Variants in PFDN5 observed in about 807,000 individuals in gnomAD.
PFDN5 encodes prefoldin subunit 5, also known as c-myc binding protein.
Under a neutral mutation model 21.5 loss-of-function variants are expected in PFDN5, and 13 were observed. The observed-to-expected ratio is 0.60, with a 90% confidence interval of 0.39 to 0.96. The LOEUF (loss-of-function observed/expected upper bound fraction) is 0.96, where lower values mean the gene tolerates loss of function less well. PFDN5 is among the 40% of genes least tolerant of loss of function. The pLI, the probability that PFDN5 is intolerant of heterozygous loss-of-function variation, is 0.00. For missense variants in PFDN5, 188 were observed against 186.2 expected (o/e 1.01, Z -0.06); for synonymous variants, 84 against 68.9 (o/e 1.22, Z -1.08).
At chr12:53,298,421 G>A (rs540481731) in intron 5 of PFDN5, 8 of 355,118 alleles carry the variant, frequency 2.3e-5, no homozygotes, top group Non-Finnish European at 4.3e-5. Flanking sequence ...CACACAGGAA[G>A]GAATCATGAT....
chr12:53,296,126 C>A, intron 2 of PFDN5, 118 bp from the exon 3 acceptor site: 1 of 891,658 alleles, frequency 1.1e-6, no homozygotes, highest in Non-Finnish European at 1.8e-6. Context: ...CTCCTATTGC[C>A]CCTGTTTCCG....
intron 2 of PFDN5, 35 bp from the exon 3 acceptor site, chr12:53,296,209 C>G: frequency 6.2e-7 from 1 of 1,600,298 alleles, no homozygotes; most frequent in Non-Finnish European, 8.5e-7. Context: ...GAGCCGCTAA[C>G]CTTCCCCAGG....
At position 53,298,115 on chromosome 12, in the gene PFDN5, A is replaced by G. The variant is rs750419112; in HGVS notation, c.353A>G (p.Gln118Arg). Reference sequence around the variant, plus strand: ...CTAACCAAGCAGATGGAGAAAATCCAACCAGCTCTTCAGGAGAAGCACGCC... The same window carrying G: ...CTAACCAAGCAGATGGAGAAAATCCGACCAGCTCTTCAGGAGAAGCACGCC... The part of the protein sequence containing the change: ...DFLTKQMEKI[Q>R]PALQEKHAMK... Residue 118 changes from glutamine (Q) to arginine (R), a missense_variant, in exon 5 of 6, where the codon CAA becomes CGA. Gln to Arg is a conservative substitution (Grantham distance 43, BLOSUM62 1). Transcript: ENST00000334478. 2 of 1,613,608 alleles carry G rather than the reference A, an allele frequency of 1.2e-6. No individual in the cohort carries two copies. Among genetic ancestry groups the G allele is most frequent in the Admixed American group, 3.3e-5 (2 of 60,018 alleles).
Position 53,299,301 on chromosome 12 carries a change from C to G in PFDN5, c.421C>G (p.Gln141Glu), listed in dbSNP as rs775238540. 6.2e-6 allele frequency: 10 copies of G among 1,612,748 alleles called. No individual in the cohort carries two copies. In the South Asian group the frequency reaches 8.8e-5, roughly 14 times the overall value. ...GGAAATGATGAGTCAGAAGATTCAG[C>G]AGCTCACAGCCCTGGGGGCAGCTCA... is the stretch of plus-strand genomic sequence containing the variant. ...VMEMMSQKIQ[Q>E]LTALGAAQAT... Residue 141 changes from glutamine (Q) to glutamate (E), a missense_variant, in exon 6 of 6, where the codon CAG (glutamine) becomes GAG (glutamate). By Grantham distance (29) the Gln-to-Glu change is conservative (BLOSUM62 2). Transcript: ENST00000334478.
rs758004677 is a variant in PFDN5 at position 53,295,910 on chromosome 12, C to T, written c.144C>T (p.Asp48=). Residue 48 remains aspartate, a synonymous_variant, in exon 2 of 6, where the codon GAC becomes GAT. Coordinates refer to ENST00000334478, the MANE Select transcript of PFDN5 (RefSeq NM_002624.4). ...VVQTKYVEAK[D]CLNVLNKSNE... ...AGACCAAGTATGTGGAAGCCAAGGA[C>T]TGTCTGAACGTGCTGAACAAGAGCA... The T allele has an allele frequency of 1.9e-6, 3 of 1,611,934 alleles. No homozygotes were observed. Among genetic ancestry groups the T allele is most frequent in the Middle Eastern group, 1.7e-4 (1 of 6,056 alleles).
chr12:53,299,159 T>C, intron 5 of PFDN5, 110 bp from the exon 6 acceptor site: 1 of 584,474 alleles, frequency 1.7e-6, no homozygotes, highest in Non-Finnish European at 3.1e-6. Flanking sequence ...AAAAGGTTAT[T>C]AACAAACTGT....
Position 53,297,868 on chromosome 12 carries a change from C to T in PFDN5, c.226C>T (p.Leu76=), listed in dbSNP as rs1944173167. The T allele has an allele frequency of 1.2e-6, 2 of 1,612,318 alleles. No individual in the cohort carries two copies. The highest frequency in any genetic ancestry group is 3.3e-5 in the Admixed American group (2 of 60,004). The change falls in exon 4 of 6, where the codon CTG becomes TTG. Residue 76 remains leucine, a synonymous_variant. Coordinates refer to ENST00000334478, the MANE Select transcript of PFDN5 (RefSeq NM_002624.4). ...TTCTCAGATGTATGTCCCTGGGAAG[C>T]TGCATGATGTGGAACACGTGCTCAT... is the stretch of plus-strand genomic sequence containing the variant. The part of the protein sequence containing the change: ...LTSSMYVPGK[L]HDVEHVLIDV...
Position 53,296,018 on chromosome 12 carries a change from T to G in PFDN5, c.175+77T>G, listed in dbSNP as rs141518072. The G allele has an allele frequency of 6.4e-3, 5,937 of 929,156 alleles. 35 individuals are homozygous for G. Among genetic ancestry groups the G allele is most frequent in the Non-Finnish European group, 8.7e-3 (4,961 of 572,652 alleles). 57.6% of individuals were successfully genotyped at this position (929,156 alleles called of 1,614,324 possible). A position where few individuals can be genotyped will look rare whatever the true frequency, so the allele number is the denominator to read the frequency against. Reference sequence around the variant, plus strand: ...GTCCCACCTCCTAACCCAGTTTTTCTTACCTGAAACGAGAAAATCCATTAC... The same window carrying G: ...GTCCCACCTCCTAACCCAGTTTTTCGTACCTGAAACGAGAAAATCCATTAC... On this transcript the variant is annotated intron_variant, in intron 2 of 5. Coordinates refer to ENST00000334478, the MANE Select transcript of PFDN5 (RefSeq NM_002624.4).
In PFDN5 at chr12:53,295,574, C is replaced by G. The variant is rs765461440; in HGVS notation, c.7C>G (p.Gln3Glu). 1.9e-6 allele frequency: 3 copies of G among 1,613,292 alleles called. No individual in the cohort carries two copies. Among genetic ancestry groups the G allele is most frequent in the Non-Finnish European group, 2.5e-6 (3 of 1,179,386 alleles). ...TTAAGTCGGCCTTCCCAACATGGCGCAGTCTATTAACATCACGGAGCTGAA... is the reference window on the plus strand; with the variant it reads ...TTAAGTCGGCCTTCCCAACATGGCGGAGTCTATTAACATCACGGAGCTGAA... Reference protein sequence around the residue: MAQSINITELNLP... With the variant: MAESINITELNLP... Residue 3 changes from glutamine to glutamate, a missense_variant, in exon 1 of 6, where the codon CAG (glutamine) becomes GAG (glutamate). Transcript: ENST00000334478.
In PFDN5 at chr12:53,299,300, G is replaced by T. The variant is rs1397157491; in HGVS notation, c.420G>T (p.Gln140His). 1.2e-6 allele frequency: 2 copies of T among 1,612,800 alleles called. No homozygotes were observed. The highest frequency in any genetic ancestry group is 1.7e-6 in the Non-Finnish European group (2 of 1,179,374). The part of the protein sequence containing the change: ...AVMEMMSQKI[Q>H]QLTALGAAQA... ...TGGAAATGATGAGTCAGAAGATTCA[G>T]CAGCTCACAGCCCTGGGGGCAGCTC... is the stretch of plus-strand genomic sequence containing the variant. Residue 140 changes from glutamine to histidine, a missense_variant, in exon 6 of 6, where the codon CAG (glutamine) becomes CAT (histidine). Coordinates refer to ENST00000334478, the MANE Select transcript of PFDN5 (RefSeq NM_002624.4).
At chr12:53,299,244 C>T (rs758247732) in intron 5 of PFDN5, 25 bp from the exon 6 acceptor site, 1 of 1,570,504 alleles carries the variant, frequency 6.4e-7, no homozygotes, top group Non-Finnish European at 8.8e-7. Flanking sequence ...TGCTTCTAAC[C>T]TTTGACTCTT....
At position 53,295,550 on chromosome 12, in the gene PFDN5, T is replaced by G; in HGVS notation, c.-18T>G. 6.2e-7 allele frequency: 1 copy of G among 1,607,950 alleles called. No homozygotes were observed. Among genetic ancestry groups the G allele is most frequent in the Non-Finnish European group, 8.5e-7 (1 of 1,174,932 alleles). ...GCTCGCCGAGAGACTTCCTCTTCGT[T>G]AAGTCGGCCTTCCCAACATGGCGCA... is the stretch of plus-strand genomic sequence containing the variant. On this transcript the variant is annotated 5_prime_UTR_variant, in exon 1 of 6. Coordinates refer to ENST00000334478, the MANE Select transcript of PFDN5 (RefSeq NM_002624.4).
intron 5 of PFDN5, 125 bp downstream of exon 5, chr12:53,298,275 T>G (rs1944180709): frequency 2.9e-6 from 2 of 678,186 alleles, no homozygotes; most frequent in Non-Finnish European, 5.4e-6. Flanking sequence ...TTTGGCATCT[T>G]TAGAATCTGT....
rs746699800 is a variant in PFDN5 at position 53,296,213 on chromosome 12, C to T, written c.176-31C>T. On this transcript the variant is annotated intron_variant, in intron 2 of 5. Transcript: ENST00000334478. ...GTCTTACGTTGGAGCCGCTAACCTT[C>T]CCCAGGTGTTTGTCTTCATTGCTTT... 3.7e-6 allele frequency: 6 copies of T among 1,602,860 alleles called. No homozygotes were observed. In the Admixed American group the frequency reaches 6.7e-5, roughly 18 times the overall value.
At chr12:53,297,342 T>G (rs1222423244) in intron 3 of PFDN5, 2 of 156,362 alleles carry the variant, frequency 1.3e-5, no homozygotes, top group Non-Finnish European at 2.8e-5. Flanking sequence ...GACAGGAGAA[T>G]TGCTTTAACC....
chr12:53,298,069 T>A lies in PFDN5; in HGVS notation c.307T>A (p.Phe103Ile). Residue 103 changes from phenylalanine to isoleucine, a missense_variant, in exon 5 of 6, where the codon TTC becomes ATC. By Grantham distance (21) the Phe-to-Ile change is conservative (BLOSUM62 0). Transcript: ENST00000334478. The part of the protein sequence containing the change: ...EKTAEDAKDF[F>I]KRKIDFLTKQ... Reference sequence around the variant, plus strand: ...GACAGCTGAGGATGCCAAGGACTTCTTCAAGAGGAAGATAGATTTTCTAAC... The same window carrying A: ...GACAGCTGAGGATGCCAAGGACTTCATCAAGAGGAAGATAGATTTTCTAAC... The A allele has an allele frequency of 6.2e-7, 1 of 1,613,396 alleles. No individual in the cohort carries two copies. Among genetic ancestry groups the A allele is most frequent in the Non-Finnish European group, 8.5e-7 (1 of 1,179,316 alleles).
intron 2 of PFDN5, 52 bp downstream of exon 2, chr12:53,295,993 G>A (rs372568247): frequency 1.8e-6 from 2 of 1,085,384 alleles, no homozygotes; most frequent in Admixed American, 1.7e-5. Flanking sequence ...TGCTTCTCTC[G>A]TCCCACCTCC....
intron 3 of PFDN5, 112 bp downstream of exon 3, chr12:53,296,387 A>G (rs941690969): frequency 4.8e-6 from 4 of 825,360 alleles, no homozygotes; most frequent in Admixed American, 4.2e-5. Flanking sequence ...TCTCCTCACA[A>G]TGATTTTGAG....
intron 2 of PFDN5, 144 bp from the exon 3 acceptor site, chr12:53,296,100 A>G: frequency 1.2e-6 from 1 of 801,550 alleles, no homozygotes; most frequent in Middle Eastern, 2.6e-4. Context: ...ATTGAAAAGT[A>G]CAGGACATTC....
Sources: gnomAD v4.1 joint callset for allele counts on GRCh38, gnomAD v4.1.1 for gene constraint, MANE v1.5 for transcripts, NCBI Gene and HGNC (gene_info 2026-07-23, HGNC 2026-07-21) for gene names.